Variants in CDH23 observed in about 807,000 individuals in gnomAD.
CDH23 encodes cadherin-23.
A neutral mutation model predicts 317.1 loss-of-function variants in CDH23; 189 were observed. The observed-to-expected ratio is 0.60, with a 90% confidence interval of 0.53 to 0.67. The LOEUF (loss-of-function observed/expected upper bound fraction) is 0.67. Ranked by LOEUF, CDH23 falls within the 30% of genes least tolerant of loss-of-function variation. The probability of loss-of-function intolerance (pLI) is 0.00; values close to 1 mark genes in which losing one functional copy is unlikely to be tolerated. For synonymous variants in CDH23, 1,839 were observed against 1,876.8 expected, an observed-to-expected ratio of 0.98 and a Z score of 0.52; for missense variants, 4,401 against 4,592.4, an observed-to-expected ratio of 0.96 and a Z score of 1.20.
intron 2 of CDH23, among the ~76,000 whole-genome samples, chr10:71,443,116 A>C (rs913918322): frequency 1.3e-5 from 2 of 152,298 alleles, no homozygotes; most frequent in African/African-American, 4.8e-5. Flanking sequence ...TCTCTCCAGC[A>C]GGGATCTCAG....
At position 71,578,091 on chromosome 10, in the gene CDH23, G is replaced by A. The variant is rs1004972323; in HGVS notation, c.832+99G>A. ...GGCTCTGAGGGCTAAGGAGAGGTCT[G>A]CGGGCATGTGGGACAGGGTAGGAGA... On this transcript the variant is annotated intron_variant, in intron 9 of 69. Transcript: ENST00000224721. 52 of 1,217,300 alleles carry A rather than the reference G, an allele frequency of 4.3e-5. No homozygotes were observed. The African/African-American group carries it at 6.9e-4, about 16-fold the overall frequency. 75.4% of individuals were successfully genotyped at this position (1,217,300 alleles called of 1,614,324 possible).
intron 48 of CDH23, among the ~76,000 whole-genome samples, chr10:71,794,066 A>G (rs1432762227): frequency 6.6e-6 from 1 of 152,020 alleles, no homozygotes; most frequent in Non-Finnish European, 1.5e-5. Context: ...CAATGGTGCA[A>G]TCTCGGCTCA....
In CDH23 at chr10:71,694,176, CGA is replaced by C. The variant is rs1865287034; in HGVS notation, c.2211_2212del (p.Glu737AspfsTer4). On this transcript the variant is annotated frameshift_variant, in exon 21 of 70. Coordinates refer to ENST00000224721, the MANE Select transcript of CDH23 (RefSeq NM_022124.6). LOFTEE classifies it high-confidence loss of function. The stretch of plus-strand genomic sequence containing the variant: ...AATCACCACCACGTCTCTGCTTGAC[CGA>C]GAGACCAAGTCTGAATACATCCTCA... ...GEITTTSLLD[R>X]ETKSEYILIV... 1 of 1,613,674 alleles carries C rather than the reference CGA, an allele frequency of 6.2e-7. No homozygotes were observed. Among genetic ancestry groups the C allele is most frequent in the African/African-American group, 1.3e-5 (1 of 74,892 alleles).
intron 14 of CDH23, among the ~76,000 whole-genome samples, chr10:71,656,885 C>G (rs1317367744): frequency 6.6e-6 from 1 of 152,132 alleles, no homozygotes; most frequent in Non-Finnish European, 1.5e-5. Flanking sequence ...GAGGATGGAT[C>G]TCCTCGATGC....
intron 2 of CDH23, among the ~76,000 whole-genome samples, chr10:71,443,238 C>A (rs1409545214): frequency 2.0e-5 from 3 of 152,190 alleles, no homozygotes. Context: ...TGCCTGGGTT[C>A]TTCATGCCCT....
chr10:71,627,976 C>A (rs1030851519), intron 11 of CDH23, among the ~76,000 whole-genome samples: 1 of 152,168 alleles, frequency 6.6e-6, no homozygotes, highest in Non-Finnish European at 1.5e-5. Flanking sequence ...GTTGTGGGTG[C>A]CAGTGAACCC....
chr10:71,639,778 G>A (rs763638716), intron 11 of CDH23, among the ~76,000 whole-genome samples: 1 of 152,142 alleles, frequency 6.6e-6, no homozygotes, highest in African/African-American at 2.4e-5. Context: ...GTCATAAAAG[G>A]CTCAGCAGCA....
chr10:71,618,385 T>G (rs911942707), intron 11 of CDH23, among the ~76,000 whole-genome samples: 1 of 152,094 alleles, frequency 6.6e-6, no homozygotes, highest in African/African-American at 2.4e-5. Context: ...CGGCGAGGCC[T>G]CTATTCGGTG....
At chr10:71,409,217 G>T (rs572238647) in intron 1 of CDH23, among the ~76,000 whole-genome samples, 1 of 152,270 alleles carries the variant, frequency 6.6e-6, no homozygotes, top group African/African-American at 2.4e-5. Flanking sequence ...GGATTCCCTG[G>T]TGTTCCCTTC....
chr10:71,794,057 A>T (rs2132955592), intron 48 of CDH23, among the ~76,000 whole-genome samples: 1 of 152,110 alleles, frequency 6.6e-6, no homozygotes, highest in East Asian at 1.9e-4. Flanking sequence ...GCTGGAGTGC[A>T]ATGGTGCAAT....
At chr10:71,728,007 C>G (rs1450634294) in intron 30 of CDH23, among the ~76,000 whole-genome samples, 1 of 152,170 alleles carries the variant, frequency 6.6e-6, no homozygotes, top group Non-Finnish European at 1.5e-5. Flanking sequence ...CACCCCAGCT[C>G]CCTGCCACCT....
At position 71,547,528 on chromosome 10, in the gene CDH23, G is replaced by A. The variant is rs75923802; in HGVS notation, c.430-19214G>A. ...GCCACTGTGGAGTTACTGGAGGACT[G>A]GAATAGGGTTGTGGCGACACGCCCA... On this transcript the variant is annotated intron_variant, in intron 6 of 69. Transcript: ENST00000224721. 7.1e-3 allele frequency among the ~76,000 whole-genome samples: 1,086 copies of A among 152,356 alleles called. 11 individuals carry two copies. Among genetic ancestry groups the A allele is most frequent in the African/African-American group, 0.025 (1,030 of 41,590 alleles).
chr10:71,724,331 C>T (rs1441180625), intron 29 of CDH23, among the ~76,000 whole-genome samples: 4 of 152,190 alleles, frequency 2.6e-5, no homozygotes, highest in Admixed American at 2.0e-4. Flanking sequence ...CTCCCTCTGT[C>T]GCCCAGGCTG....
chr10:71,455,963 G>T (rs1489566561), intron 3 of CDH23, among the ~76,000 whole-genome samples: 1 of 152,130 alleles, frequency 6.6e-6, no homozygotes, highest in Non-Finnish European at 1.5e-5. Flanking sequence ...CACACCAGCT[G>T]CAGAGGGAAT....
intron 3 of CDH23, among the ~76,000 whole-genome samples, chr10:71,487,958 C>A (rs537917246): frequency 1.3e-5 from 2 of 152,344 alleles, no homozygotes; most frequent in East Asian, 1.9e-4. Flanking sequence ...CATAATATAT[C>A]CACCCTGTGC....
chr10:71,769,992 C>A (rs1840649929), intron 38 of CDH23, among the ~76,000 whole-genome samples: 1 of 152,208 alleles, frequency 6.6e-6, no homozygotes, highest in Admixed American at 6.5e-5. Context: ...TAGGCACCTC[C>A]ATGGGCATTT....
intron 11 of CDH23, among the ~76,000 whole-genome samples, chr10:71,619,926 C>G (rs1397719324): frequency 6.6e-6 from 1 of 152,156 alleles, no homozygotes; most frequent in Non-Finnish European, 1.5e-5. Flanking sequence ...AGTAATGAGC[C>G]TCACTTTGTT....
Position 71,815,219 on chromosome 10 carries a change from C to T in CDH23, c.10006C>T (p.Pro3336Ser), listed in dbSNP as rs1449615366. ...NARTESAKST[P>S]LHKLRDVIME... ...CCGCACAGAATCCGCCAAATCCACA[C>T]CCCTGCACAAACTTCGCGACGTGAT... The change falls in exon 70 of 70, where the codon CCC (proline) becomes TCC (serine). Residue 3336 changes from proline to serine, a missense_variant. By Grantham distance (74) the Pro-to-Ser change is moderately conservative (BLOSUM62 -1). Transcript: ENST00000224721. 1.2e-6 allele frequency: 2 copies of T among 1,601,444 alleles called. No homozygotes were observed. The highest frequency in any genetic ancestry group is 1.1e-5 in the South Asian group (1 of 90,748).
rs533215096 is a variant in CDH23, at chr10:71,466,634, C to T, written c.145+20239C>T. ...TGTGTCCCTTCTCACAGTGTATGTG[C>T]GAGTGTATCTTTGCTTGTGTGTATG... On this transcript the variant is annotated intron_variant, in intron 3 of 69. Coordinates refer to ENST00000224721, the MANE Select transcript of CDH23 (RefSeq NM_022124.6). 4.5e-4 allele frequency among the ~76,000 whole-genome samples: 69 copies of T among 152,142 alleles called. No individual in the cohort carries two copies. In the South Asian group the frequency reaches 6.6e-3, roughly 15 times the overall value.
Sources: allele counts gnomAD v4.1 joint callset (sites outside exome capture counted in the v4.1 genomes callset), GRCh38; gene constraint gnomAD v4.1.1; transcripts MANE v1.5; gene names NCBI Gene and HGNC (gene_info 2026-07-23, HGNC 2026-07-21).